Variants in USP7 observed in about 807,000 individuals in gnomAD.
USP7 encodes ubiquitin specific peptidase 7.
Under a neutral mutation model 162.9 loss-of-function variants are expected in USP7, and 9 were observed. That is an observed-to-expected ratio of 0.06 (90% CI 0.03 to 0.10). USP7 has a LOEUF of 0.10. USP7 is among the 10% of genes least tolerant of loss of function. The probability of loss-of-function intolerance (pLI) is 1.00; values close to 1 mark genes in which losing one functional copy is unlikely to be tolerated. For synonymous variants in USP7, 562 were observed against 475.9 expected (o/e 1.18, Z -2.35); for missense variants, 715 against 1,373.7 (o/e 0.52, Z 7.58).
At position 8,895,735 on chromosome 16, in the gene USP7, T is replaced by C. The variant is rs780031919; in HGVS notation, c.2826A>G (p.Leu942=). The change falls in exon 27 of 31, where the codon CTA becomes CTG. Residue 942 remains leucine, a synonymous_variant. Transcript: ENST00000344836. The stretch of plus-strand genomic sequence containing the variant: ...CAATGATTTTGTAGCTTACAATTTC[T>C]AGCAGCCTGAACAGAGAGGAAAAAA... ...GEKASGKLRL[L]EIVSYKIIGV... 3.2e-5 allele frequency: 51 copies of C among 1,611,912 alleles called. No homozygotes were observed. In the Admixed American group the frequency reaches 4.9e-4, roughly 15 times the overall value.
At chr16:8,899,369 GAAGATAACTTTGGAAAGGGTTTTCA>G in intron 22 of USP7, 181 bp from the exon 23 acceptor site, 1 of 745,856 alleles carries the variant, frequency 1.3e-6, no homozygotes, top group East Asian at 2.7e-5. Context: ...CATATCTGAT[GAAGATAACTTTGGAAAGGGTTTTCA>G]CTTTTAATGG....
rs140733225 is a variant in USP7, at chr16:8,897,022, C to T, written c.2796G>A (p.Gly932=). 7 of 1,614,008 alleles carry T rather than the reference C, an allele frequency of 4.3e-6. No individual in the cohort carries two copies. The African/African-American group carries it at 9.3e-5, about 22-fold the overall frequency. ...LEECKKAVEL[G]EKASGKLRLL... is the part of the protein sequence containing the mutation. ...GCCTAAGTTTCCCTGATGCTTTCTCCCCAAGCTCCACGGCCTTTTTACATT... is the reference window on the plus strand; with the variant it reads ...GCCTAAGTTTCCCTGATGCTTTCTCTCCAAGCTCCACGGCCTTTTTACATT... The change falls in exon 26 of 31, where the codon GGG becomes GGA. Residue 932 remains glycine, a synonymous_variant. Coordinates refer to ENST00000344836, the MANE Select transcript of USP7 (RefSeq NM_003470.3).
intron 1 of USP7, among the ~76,000 whole-genome samples, chr16:8,959,993 C>T (rs930909733): frequency 5.9e-5 from 9 of 152,068 alleles, no homozygotes; most frequent in Admixed American, 1.3e-4. Flanking sequence ...GGGAAAAAAA[C>T]AGTTTGTATG....
At chr16:8,909,976 G>C (rs1383008885) in intron 11 of USP7, among the ~76,000 whole-genome samples, 1 of 152,122 alleles carries the variant, frequency 6.6e-6, no homozygotes, top group African/African-American at 2.4e-5. Context: ...AGTCCAACTG[G>C]ACTGACCTAG....
intron 1 of USP7, among the ~76,000 whole-genome samples, chr16:8,938,479 G>C (rs1268097971): frequency 6.6e-6 from 1 of 152,124 alleles, no homozygotes; most frequent in East Asian, 1.9e-4. Flanking sequence ...GTAGGAGGCC[G>C]AGGCAGGTGG....
In USP7 at chr16:8,910,786, C is replaced by T. The variant is rs375864487; in HGVS notation, c.1120G>A (p.Asp374Asn). ...FVDYVAVEQLDGDNKYDAGEH... is the reference protein window; with the variant it reads ...FVDYVAVEQLNGDNKYDAGEH... ...CCAGCGTCGTATTTATTGTCCCCATCGAGCTGTTCTACTGCCACATAATCC... is the reference window on the plus strand; with the variant it reads ...CCAGCGTCGTATTTATTGTCCCCATTGAGCTGTTCTACTGCCACATAATCC... The change falls in exon 11 of 31, where the codon GAT (aspartate) becomes AAT (asparagine). Residue 374 changes from aspartate (D) to asparagine (N), a missense_variant. Transcript: ENST00000344836. 1.2e-6 allele frequency: 2 copies of T among 1,614,136 alleles called. No homozygotes were observed. Among genetic ancestry groups the T allele is most frequent in the Non-Finnish European group, 1.7e-6 (2 of 1,180,016 alleles).
chr16:8,926,990 G>A (rs901998296), intron 2 of USP7, among the ~76,000 whole-genome samples: 3 of 152,190 alleles, frequency 2.0e-5, no homozygotes. Context: ...CCAGGGCAAA[G>A]GCCAATAGAC....
At position 8,910,787 on chromosome 16, in the gene USP7, G is replaced by T; in HGVS notation, c.1119C>A (p.Leu373=). ...SFVDYVAVEQ[L]DGDNKYDAGE... Reference sequence around the variant, plus strand: ...CAGCGTCGTATTTATTGTCCCCATCGAGCTGTTCTACTGCCACATAATCCA... The same window carrying T: ...CAGCGTCGTATTTATTGTCCCCATCTAGCTGTTCTACTGCCACATAATCCA... Residue 373 remains leucine, a synonymous_variant, in exon 11 of 31, where the codon CTC becomes CTA. Transcript: ENST00000344836. The T allele has an allele frequency of 6.2e-7, 1 of 1,614,086 alleles. No homozygotes were observed. Among genetic ancestry groups the T allele is most frequent in the Non-Finnish European group, 8.5e-7 (1 of 1,180,026 alleles).
chr16:8,962,907 C>T (rs1900075627), intron 1 of USP7: 1 of 167,432 alleles, frequency 6.0e-6, no homozygotes, highest in East Asian at 1.6e-4. Context: ...GAGAAAACAC[C>T]TCCGTCCCTC....
chr16:8,908,322 A>G lies in USP7; in HGVS notation c.1271+19T>C, dbSNP rs1300740752. The G allele has an allele frequency of 1.9e-6, 3 of 1,588,000 alleles. No homozygotes were observed. In the Middle Eastern group the frequency reaches 5.4e-4, roughly 288 times the overall value. On this transcript the variant is annotated intron_variant, in intron 12 of 30. Transcript: ENST00000344836. ...AGCATGATGATGAAATCTTAACTTT[A>G]TATCCCACTATAGATTACCTATCAT...
rs750390005 is a variant in USP7 at position 8,894,778 on chromosome 16, G to A, written c.3111+6C>T. The A allele has an allele frequency of 6.2e-6, 10 of 1,614,104 alleles. No individual in the cohort carries two copies. The highest frequency in any genetic ancestry group is 1.3e-5 in the African/African-American group (1 of 74,944). On this transcript the variant is annotated splice_donor_region_variant and intron_variant, in intron 29 of 30. Coordinates refer to ENST00000344836, the MANE Select transcript of USP7 (RefSeq NM_003470.3). ...GCCAAGCCCCCAGGAGGCCCCAGCT[G>A]CACACCTTCTCAAACTCCTTCTCCT...
chr16:8,943,701 G>C (rs372124405), intron 1 of USP7, among the ~76,000 whole-genome samples: 8 of 152,288 alleles, frequency 5.3e-5, no homozygotes, highest in African/African-American at 7.2e-5. Flanking sequence ...CACTTTTCTA[G>C]AGTCAACTGT....
chr16:8,949,298 C>T (rs994699310), intron 1 of USP7, among the ~76,000 whole-genome samples: 3 of 152,178 alleles, frequency 2.0e-5, no homozygotes, highest in Non-Finnish European at 4.4e-5. Flanking sequence ...CATCGTGGCA[C>T]GTTCCACTGG....
At chr16:8,920,549 A>C (rs1745749203) in intron 4 of USP7, 102 bp from the exon 5 acceptor site, 3 of 973,594 alleles carry the variant, frequency 3.1e-6, no homozygotes, top group African/African-American at 1.7e-5. Context: ...AGATGAAAAT[A>C]CTTTTTTTTT....
chr16:8,910,597 T>C (rs903271013), intron 11 of USP7, 148 bp downstream of exon 11: 1 of 708,436 alleles, frequency 1.4e-6, no homozygotes, highest in East Asian at 2.7e-5. Context: ...TCCCTCCCCA[T>C]TCAATTATCC....
At chr16:8,958,572 C>A (rs555016455) in intron 1 of USP7, among the ~76,000 whole-genome samples, 1 of 152,332 alleles carries the variant, frequency 6.6e-6, no homozygotes, top group African/African-American at 2.4e-5. Flanking sequence ...CAGGGGATGT[C>A]TGAGACAGCC....
chr16:8,894,937 G>A (rs2061658875), intron 28 of USP7, 82 bp from the exon 29 acceptor site: 35 of 1,613,390 alleles, frequency 2.2e-5, no homozygotes, highest in South Asian at 4.4e-5. Context: ...CAAAACCAAC[G>A]CCTAACCCCA....
At chr16:8,937,466 C>A (rs1232506821) in intron 1 of USP7, among the ~76,000 whole-genome samples, 3 of 152,182 alleles carry the variant, frequency 2.0e-5, no homozygotes, top group Non-Finnish European at 4.4e-5. Flanking sequence ...CACTTGAACC[C>A]AGGAGGCGGA....
intron 1 of USP7, among the ~76,000 whole-genome samples, chr16:8,951,334 C>A (rs575837960): frequency 0.013 from 53 of 4,096 alleles, no homozygotes; most frequent in African/African-American, 0.022. Flanking sequence ...CCTCTGGTAG[C>A]CCTGACCCAG....
Sources: allele counts gnomAD v4.1 joint callset (sites outside exome capture counted in the v4.1 genomes callset), GRCh38; gene constraint gnomAD v4.1.1; transcripts MANE v1.5; gene names NCBI Gene and HGNC (gene_info 2026-07-23, HGNC 2026-07-21).